The following PCDH1 variants were observed in gnomAD, a reference collection of about 807,000 sequenced individuals.
PCDH1 encodes the protein protocadherin 1.
In PCDH1, 23 loss-of-function variants were observed where a neutral mutation model predicts 74.6. The ratio of observed to expected loss-of-function variants is 0.31; its 90% confidence interval spans 0.22 to 0.44. PCDH1 has a LOEUF of 0.44. PCDH1 is among the 20% of genes least tolerant of loss of function. The pLI, the probability that PCDH1 is intolerant of heterozygous loss-of-function variation, is 1.00. For synonymous variants in PCDH1, 647 were observed against 686.1 expected, an observed-to-expected ratio of 0.94 and a Z score of 0.89; for missense variants, 1,214 against 1,641.4, an observed-to-expected ratio of 0.74 and a Z score of 4.50.
chr5:141,855,018 C>G (rs1381112071), intron 4 of PCDH1, among the ~76,000 whole-genome samples: 3 of 151,926 alleles, frequency 2.0e-5, no homozygotes, highest in African/African-American at 4.8e-5. Context: ...GTCACCCAGG[C>G]TGGAGTGCAG....
intron 3 of PCDH1, among the ~76,000 whole-genome samples, chr5:141,858,279 G>A (rs1386453152): frequency 6.6e-6 from 1 of 152,174 alleles, no homozygotes; most frequent in Non-Finnish European, 1.5e-5. Context: ...AGGGCACCTG[G>A]GGGAAGGGGA....
intron 4 of PCDH1, among the ~76,000 whole-genome samples, chr5:141,854,942 G>A (rs1752272395): frequency 6.7e-6 from 1 of 149,542 alleles, no homozygotes; most frequent in Non-Finnish European, 1.5e-5. Context: ...AAAGTGTTGG[G>A]ATTACAAGCA....
rs1752802813 is a variant in PCDH1, at chr5:141,865,849, G to C, written c.904-422C>G. ...GAGAGGTGCGAGTAGTAGAGGCGGTGTGTGTGCCCGTGTGAATGTGCACTA... is the reference window on the plus strand; with the variant it reads ...GAGAGGTGCGAGTAGTAGAGGCGGTCTGTGTGCCCGTGTGAATGTGCACTA... On this transcript the variant is annotated intron_variant, in intron 2 of 4. Transcript: ENST00000287008. The surrounding 1 kb of genome is among the most constrained non-coding windows in gnomAD (Gnocchi z 4.4). 6.6e-6 allele frequency among the ~76,000 whole-genome samples: 1 copy of C among 152,150 alleles called. No homozygotes were observed. Among genetic ancestry groups the C allele is most frequent in the African/African-American group, 2.4e-5 (1 of 41,460 alleles).
At position 141,878,210 on chromosome 5, in the gene PCDH1, G is replaced by T; in HGVS notation, c.40+13C>A. 4 of 1,426,158 alleles carry T rather than the reference G, an allele frequency of 2.8e-6. No individual in the cohort carries two copies. Among genetic ancestry groups the T allele is most frequent in the South Asian group, 1.4e-5 (1 of 72,162 alleles). The allele number at this position is 1,426,158 out of a possible 1,614,324, so 88.3% of individuals were successfully genotyped here. On this transcript the variant is annotated intron_variant, in intron 1 of 4. Coordinates refer to ENST00000287008, the MANE Select transcript of PCDH1 (RefSeq NM_032420.5). This position sits in a 1 kb window ranked among gnomAD's most constrained non-coding sequence, Gnocchi z 5.5. ...CCAAGCCGCTGCTGCCTCCACCGCC[G>T]CCGGATCCTTACCCGCCTCCGGGCA...
intron 1 of PCDH1, among the ~76,000 whole-genome samples, chr5:141,871,235 G>T (rs1203018148): frequency 6.6e-6 from 1 of 152,198 alleles, no homozygotes; most frequent in Non-Finnish European, 1.5e-5. Context: ...TACACTGTAG[G>T]GACTCAGTCA....
At position 141,856,324 on chromosome 5, in the gene PCDH1, G is replaced by A. The variant is rs370283124; in HGVS notation, c.3319+928C>T. 6 of 1,366,678 alleles carry A rather than the reference G, an allele frequency of 4.4e-6. 1 individual carries two copies. The highest frequency in any genetic ancestry group is 1.8e-4 in the Middle Eastern group (1 of 5,614). The allele number at this position is 1,366,678 out of a possible 1,614,324, so 84.7% of individuals were successfully genotyped here. A position where few individuals can be genotyped will look rare whatever the true frequency, so the allele number is the denominator to read the frequency against. On this transcript the variant is annotated intron_variant, in intron 4 of 4. Transcript: ENST00000287008. ...TCGCGCATGGAGGGGCGGGGTGGGG[G>A]TGGAGGGCACTCTGAGACCTAGGGC...
Position 141,869,081 on chromosome 5 carries a change from G to A in PCDH1, c.391C>T (p.Pro131Ser). The change falls in exon 2 of 5, where the codon CCC (proline) becomes TCC (serine). Residue 131 changes from proline to serine, a missense_variant. Coordinates refer to ENST00000287008, the MANE Select transcript of PCDH1 (RefSeq NM_032420.5). This position sits in a 1 kb window ranked among gnomAD's most constrained non-coding sequence, Gnocchi z 4.9. Reference sequence around the variant, plus strand: ...GATACCTCAAACTCCAGGATGCAGGGATCACCAGGGAGCTGGTTCTGGCAT... The same window carrying A: ...GATACCTCAAACTCCAGGATGCAGGAATCACCAGGGAGCTGGTTCTGGCAT... ...RECQNQLPGD[P>S]CILEFEVSIT... 6.2e-7 allele frequency: 1 copy of A among 1,613,900 alleles called. No homozygotes were observed. The highest frequency in any genetic ancestry group is 1.3e-5 in the African/African-American group (1 of 74,950).
In PCDH1 at chr5:141,864,878, G is replaced by A; in HGVS notation, c.1453C>T (p.Pro485Ser). 1 of 1,614,172 alleles carries A rather than the reference G, an allele frequency of 6.2e-7. No individual in the cohort carries two copies. The highest frequency in any genetic ancestry group is 8.5e-7 in the Non-Finnish European group (1 of 1,180,040). ...EIVAVDSGNP[P>S]LSSTNSLKVQ... is the part of the protein sequence containing the mutation. ...TTGAGGGAGTTAGTGCTGGAGAGTG[G>A]GGGGTTGCCAGAGTCCACAGCCACA... Residue 485 changes from proline to serine, a missense_variant, in exon 3 of 5, where the codon CCA becomes TCA. This residue lies in a region of PCDH1 where 836 missense variants were observed against 1,182.2 expected (regional missense o/e 0.71). Transcript: ENST00000287008. This position sits in a 1 kb window ranked among gnomAD's most constrained non-coding sequence, Gnocchi z 5.9.
chr5:141,861,691 T>C (rs1752570879), intron 3 of PCDH1, among the ~76,000 whole-genome samples: 1 of 152,090 alleles, frequency 6.6e-6, no homozygotes, highest in Non-Finnish European at 1.5e-5. Flanking sequence ...GCTGGAGCCT[T>C]GGTCCTCTTG....
chr5:141,868,692 G>A lies in PCDH1; in HGVS notation c.780C>T (p.Arg260=), dbSNP rs770186390. The change falls in exon 2 of 5, where the codon CGC becomes CGT. Residue 260 remains arginine, a synonymous_variant. Coordinates refer to ENST00000287008, the MANE Select transcript of PCDH1 (RefSeq NM_032420.5). This position sits in a 1 kb window ranked among gnomAD's most constrained non-coding sequence, Gnocchi z 4.8. ...IKVQDGGSPP[R]ASSALLRVTV... The stretch of plus-strand genomic sequence containing the variant: ...TGACACGCAGCAGGGCACTGCTGGC[G>A]CGTGGGGGGCTGCCGCCATCCTGCA... The A allele has an allele frequency of 8.1e-6, 13 of 1,613,698 alleles. No homozygotes were observed. The highest frequency in any genetic ancestry group is 3.3e-5 in the South Asian group (3 of 91,060).
intron 1 of PCDH1, among the ~76,000 whole-genome samples, chr5:141,873,327 A>C (rs1194995790): frequency 7.2e-5 from 10 of 138,050 alleles, no homozygotes; most frequent in Non-Finnish European, 1.4e-4. Context: ...TTTAGTAGAG[A>C]CGGGGTTTCA....
At position 141,864,337 on chromosome 5, in the gene PCDH1, C is replaced by T. The variant is rs1409120781; in HGVS notation, c.1994G>A (p.Gly665Asp). 2 of 1,613,964 alleles carry T rather than the reference C, an allele frequency of 1.2e-6. No homozygotes were observed. The highest frequency in any genetic ancestry group is 2.7e-5 in the African/African-American group (2 of 74,922). Residue 665 changes from glycine to aspartate, a missense_variant, in exon 3 of 5, where the codon GGC becomes GAC. Physicochemically the swap from Gly to Asp is moderately conservative, Grantham distance 94. This residue lies in a region of PCDH1 where 836 missense variants were observed against 1,182.2 expected (regional missense o/e 0.71). Transcript: ENST00000287008. The surrounding 1 kb of genome is among the most constrained non-coding windows in gnomAD (Gnocchi z 5.9). ...NGDFVIQNGT[G>D]TILSSLSFDR... Reference sequence around the variant, plus strand: ...AAAGCTCAGGCTGGATAGGATGGTGCCTGTGCCATTCTGGATAACAAAGTC... The same window carrying T: ...AAAGCTCAGGCTGGATAGGATGGTGTCTGTGCCATTCTGGATAACAAAGTC...
chr5:141,864,541 G>A lies in PCDH1; in HGVS notation c.1790C>T (p.Thr597Ile), dbSNP rs777641492. ...GCAGTCCAGCACATTGACAAGGACA[G>A]TGGCTGTGCCCTGGAGGCTAGGACT... ...RGSPSLQGTATVLVNVLDCND... is the reference protein window; with the variant it reads ...RGSPSLQGTAIVLVNVLDCND... The change falls in exon 3 of 5, where the codon ACT (threonine) becomes ATT (isoleucine). Residue 597 changes from threonine to isoleucine, a missense_variant. Physicochemically the swap from Thr to Ile is moderately conservative, Grantham distance 89. Transcript: ENST00000287008. The surrounding 1 kb of genome is among the most constrained non-coding windows in gnomAD (Gnocchi z 5.9). The A allele has an allele frequency of 1.2e-6, 2 of 1,614,106 alleles. No homozygotes were observed. Among genetic ancestry groups the A allele is most frequent in the East Asian group, 2.2e-5 (1 of 44,874 alleles).
chr5:141,861,700 TG>T (rs1752571403), intron 3 of PCDH1, among the ~76,000 whole-genome samples: 1 of 152,110 alleles, frequency 6.6e-6, no homozygotes, highest in African/African-American at 2.4e-5. Context: ...TTGGTCCTCT[TG>T]GGAGTGTCTC....
At chr5:141,875,702 G>A (rs1293039664) in intron 1 of PCDH1, among the ~76,000 whole-genome samples, 1 of 152,068 alleles carries the variant, frequency 6.6e-6, no homozygotes, top group Non-Finnish European at 1.5e-5. Flanking sequence ...TAGGAGAAGG[G>A]GTAAAAACTA....
rs1406539585 is a variant in PCDH1, at chr5:141,864,049, G to A, written c.2282C>T (p.Pro761Leu). ...ELIYSIAGGN[P>L]YGLFQIGSHS... ...TGACCCAATCTGGAAGAGTCCATAA[G>A]GGTTGCCACCTGCAATGCTGTAGAT... Residue 761 changes from proline to leucine, a missense_variant, in exon 3 of 5, where the codon CCT becomes CTT. Pro to Leu is a moderately conservative substitution (Grantham distance 98, BLOSUM62 -3). Coordinates refer to ENST00000287008, the MANE Select transcript of PCDH1 (RefSeq NM_032420.5). The surrounding 1 kb of genome is among the most constrained non-coding windows in gnomAD (Gnocchi z 5.9). 6.2e-7 allele frequency: 1 copy of A among 1,613,904 alleles called. No individual in the cohort carries two copies. The highest frequency in any genetic ancestry group is 1.3e-5 in the African/African-American group (1 of 74,922).
Position 141,865,546 on chromosome 5 carries a change from C to A in PCDH1, c.904-119G>T. 1 of 1,124,058 alleles carries A rather than the reference C, an allele frequency of 8.9e-7. No homozygotes were observed. Among genetic ancestry groups the A allele is most frequent in the Non-Finnish European group, 1.3e-6 (1 of 783,986 alleles). 69.6% of individuals were successfully genotyped at this position (1,124,058 alleles called of 1,614,324 possible). ...ACAAGCATGGCAGACACAGCCAATC[C>A]AACATCGCTCCCTTTCCAGAAGCCA... On this transcript the variant is annotated intron_variant, in intron 2 of 4. Transcript: ENST00000287008. The surrounding 1 kb of genome is among the most constrained non-coding windows in gnomAD (Gnocchi z 4.4).
At position 141,868,714 on chromosome 5, in the gene PCDH1, T is replaced by C. The variant is rs757127230; in HGVS notation, c.758A>G (p.Gln253Arg). Residue 253 changes from glutamine (Q) to arginine (R), a missense_variant, in exon 2 of 5, where the codon CAG becomes CGG. Transcript: ENST00000287008. The surrounding 1 kb of genome is among the most constrained non-coding windows in gnomAD (Gnocchi z 4.8). ...WDSYDLTIKV[Q>R]DGGSPPRASS... is the part of the protein sequence containing the mutation. ...GGCGCGTGGGGGGCTGCCGCCATCC[T>C]GCACCTTGATGGTGAGGTCATAGGA... 3.1e-6 allele frequency: 5 copies of C among 1,614,098 alleles called. No individual in the cohort carries two copies. Among genetic ancestry groups the C allele is most frequent in the East Asian group, 2.2e-5 (1 of 44,866 alleles).
Position 141,854,265 on chromosome 5 carries a change from T to G in PCDH1, c.3491A>C (p.Gln1164Pro). The G allele has an allele frequency of 6.2e-7, 1 of 1,612,938 alleles. No homozygotes were observed. The highest frequency in any genetic ancestry group is 8.5e-7 in the Non-Finnish European group (1 of 1,179,584). ...TFVPYQDRGGQEPAGAGSPSP... is the reference protein window; with the variant it reads ...TFVPYQDRGGPEPAGAGSPSP... The stretch of plus-strand genomic sequence containing the variant: ...GGGGCTGCCGGCGCCCGCAGGCTCC[T>G]GCCCTCCTCGGTCCTGGTAAGGCAC... Residue 1164 changes from glutamine (Q) to proline (P), a missense_variant, in exon 5 of 5, where the codon CAG becomes CCG. Transcript: ENST00000287008.
Sources: gnomAD v4.1 joint callset for allele counts (sites outside exome capture counted in the v4.1 genomes callset) on GRCh38, gnomAD v4.1.1 for gene constraint, gnomAD v4.1.1 regional missense constraint, Gnocchi (gnomAD v3.1) non-coding constraint, MANE v1.5 for transcripts, NCBI Gene and HGNC (gene_info 2026-07-23, HGNC 2026-07-21) for gene names.